The following RBM6 variants were observed in gnomAD, a reference collection of about 807,000 sequenced individuals.
RBM6 encodes RNA-binding protein 6.
In RBM6, 23 loss-of-function variants were observed where a neutral mutation model predicts 140.4. That is an observed-to-expected ratio of 0.16 (90% CI 0.12 to 0.23). The LOEUF (loss-of-function observed/expected upper bound fraction) is 0.23. Ranked by LOEUF, RBM6 falls within the 10% of genes least tolerant of loss-of-function variation. The pLI is 1.00. For missense variants in RBM6, 1,139 were observed against 1,386.7 expected, an observed-to-expected ratio of 0.82 and a Z score of 2.84; for synonymous variants, 439 against 475.6, an observed-to-expected ratio of 0.92 and a Z score of 1.00.
At chr3:50,049,099 C>T (rs2089349849) in intron 7 of RBM6, among the ~76,000 whole-genome samples, 1 of 151,260 alleles carries the variant, frequency 6.6e-6, no homozygotes, top group African/African-American at 2.4e-5. Context: ...ACCGCGCTGG[C>T]CTGTTTATTT....
intron 19 of RBM6, among the ~76,000 whole-genome samples, chr3:50,073,916 C>T (rs960604633): frequency 6.7e-6 from 1 of 150,082 alleles, no homozygotes; most frequent in Non-Finnish European, 1.5e-5. Flanking sequence ...ATGGCACGAT[C>T]TTGGCTCACT....
chr3:50,030,430 CAG>C (rs935471625), intron 6 of RBM6, among the ~76,000 whole-genome samples: 27 of 151,882 alleles, frequency 1.8e-4, no homozygotes, highest in African/African-American at 6.5e-4. Flanking sequence ...AATACACAAA[CAG>C]AGCTCCACAG....
chr3:50,009,873 T>C (rs1260214747), intron 6 of RBM6, among the ~76,000 whole-genome samples: 1 of 152,060 alleles, frequency 6.6e-6, no homozygotes, highest in South Asian at 2.1e-4. Flanking sequence ...AGAATAATTA[T>C]TATTTATTTT....
Position 49,968,654 on chromosome 3 carries a change from A to G in RBM6, c.1229A>G (p.Asp410Gly). ...AGAAGCATGGAGTACCGTGATGTGG[A>G]TCATAGGCTGCCAGGAAGCCAGATG... is the stretch of plus-strand genomic sequence containing the variant. ...DYRSMEYRDV[D>G]HRLPGSQMFG... is the part of the protein sequence containing the mutation. The change falls in exon 3 of 21, where the codon GAT (aspartate) becomes GGT (glycine). Residue 410 changes from aspartate to glycine, a missense_variant. This residue lies in a region of RBM6 where 566 missense variants were observed against 612.7 expected (regional missense o/e 0.92). Transcript: ENST00000266022. 2 of 1,612,226 alleles carry G rather than the reference A, an allele frequency of 1.2e-6. No individual in the cohort carries two copies. Among genetic ancestry groups the G allele is most frequent in the Non-Finnish European group, 1.7e-6 (2 of 1,179,202 alleles).
At chr3:50,029,782 G>A (rs2088043854) in intron 6 of RBM6, among the ~76,000 whole-genome samples, 1 of 152,058 alleles carries the variant, frequency 6.6e-6, no homozygotes, top group East Asian at 1.9e-4. Flanking sequence ...CCAACACTTG[G>A]GAGGCCGAGG....
intron 8 of RBM6, among the ~76,000 whole-genome samples, chr3:50,057,099 G>C (rs2089731325): frequency 6.6e-6 from 1 of 152,204 alleles, no homozygotes; most frequent in Non-Finnish European, 1.5e-5. Context: ...ATGATAGTCA[G>C]GTTCAAGGTG....
chr3:49,960,712 G>C (rs2084241837), intron 1 of RBM6, among the ~76,000 whole-genome samples: 1 of 152,166 alleles, frequency 6.6e-6, no homozygotes, highest in Non-Finnish European at 1.5e-5. Context: ...AGCAATGACT[G>C]TGGTGAGGGT....
At position 50,068,744 on chromosome 3, in the gene RBM6, C is replaced by T; in HGVS notation, c.2998C>T (p.Leu1000=). 6.2e-7 allele frequency: 1 copy of T among 1,614,152 alleles called. No homozygotes were observed. The highest frequency in any genetic ancestry group is 1.3e-5 in the African/African-American group (1 of 75,070). The stretch of plus-strand genomic sequence containing the variant: ...ACAGTCTGAGCAGGAGCTAGCCTAT[C>T]TGGAAAGGAGAGAACGAGAGGTAAA... ...IKQSEQELAY[L]ERREREGKFK... is the part of the protein sequence containing the mutation. The change falls in exon 18 of 21, where the codon CTG becomes TTG. Residue 1000 remains leucine (L), a synonymous_variant. Transcript: ENST00000266022.
intron 1 of RBM6, among the ~76,000 whole-genome samples, chr3:49,949,981 C>T (rs560182446): frequency 6.6e-6 from 1 of 152,222 alleles, no homozygotes; most frequent in South Asian, 2.1e-4. Context: ...CCTCCGCCTC[C>T]TAAAGTGCTG....
At chr3:49,945,876 C>T (rs1170982596) in intron 1 of RBM6, among the ~76,000 whole-genome samples, 3 of 95,626 alleles carry the variant, frequency 3.1e-5, no homozygotes, top group Admixed American at 1.5e-4. Flanking sequence ...AGCGAGACTC[C>T]ATCTCAAAAA....
chr3:49,992,790 G>C (rs1038328949), intron 5 of RBM6, among the ~76,000 whole-genome samples: 13 of 152,046 alleles, frequency 8.6e-5, no homozygotes, highest in African/African-American at 3.1e-4. Flanking sequence ...CTGTTTTTTT[G>C]GTGTCACCTC....
intron 19 of RBM6, among the ~76,000 whole-genome samples, chr3:50,071,694 C>T (rs2090302564): frequency 6.6e-6 from 1 of 152,132 alleles, no homozygotes; most frequent in South Asian, 2.1e-4. Flanking sequence ...ATCTGCCAGT[C>T]TTTGTGATCA....
intron 18 of RBM6, 67 bp downstream of exon 18, chr3:50,068,831 G>A (rs1360412141): frequency 7.1e-7 from 1 of 1,413,186 alleles, no homozygotes; most frequent in Non-Finnish European, 1.0e-6. Flanking sequence ...AGACTTCATA[G>A]GCTGTGCTGA....
chr3:49,950,584 G>A (rs536329737), intron 1 of RBM6, among the ~76,000 whole-genome samples: 11 of 152,058 alleles, frequency 7.2e-5, no homozygotes, highest in African/African-American at 2.4e-4. Flanking sequence ...GTGAAACCCC[G>A]TCTCTACTAA....
At chr3:50,000,775 CTCT>C (rs1410419318) in intron 6 of RBM6, among the ~76,000 whole-genome samples, 17 of 152,102 alleles carry the variant, frequency 1.1e-4, no homozygotes, top group Non-Finnish European at 2.2e-4. Context: ...TAGATGAGAA[CTCT>C]TCTTCTTCTG....
intron 4 of RBM6, among the ~76,000 whole-genome samples, 172 bp from the exon 5 acceptor site, chr3:49,975,151 A>G (rs2085006857): frequency 6.6e-6 from 1 of 152,130 alleles, no homozygotes; most frequent in African/African-American, 2.4e-5. Flanking sequence ...TTTTTGAATA[A>G]TTATGTTCTA....
At position 49,964,287 on chromosome 3, in the gene RBM6, A is replaced by G. The variant is rs139479251; in HGVS notation, c.44+1602A>G. Among the ~76,000 whole-genome samples the G allele has an allele frequency of 1.7e-4, 26 of 152,322 alleles. No homozygotes were observed. In the East Asian group the frequency reaches 4.2e-3, roughly 25 times the overall value. ...CATTGTTCTGAAGCTTGGAGTTCCA[A>G]TGAAAAATTTAGGTGGAGAACTGAG... On this transcript the variant is annotated intron_variant, in intron 2 of 20. Transcript: ENST00000266022.
At chr3:49,971,760 T>G (rs571112279) in intron 3 of RBM6, among the ~76,000 whole-genome samples, 1 of 152,220 alleles carries the variant, frequency 6.6e-6, no homozygotes, top group Non-Finnish European at 1.5e-5. Flanking sequence ...AGAAAATTAC[T>G]GTTTTGAGAC....
chr3:50,010,562 T>A (rs2086792174), intron 6 of RBM6, among the ~76,000 whole-genome samples: 1 of 152,148 alleles, frequency 6.6e-6, no homozygotes, highest in South Asian at 2.1e-4. Flanking sequence ...TTTTATGGTA[T>A]GTGAATTTTA....
Sources: allele counts gnomAD v4.1 joint callset (sites outside exome capture counted in the v4.1 genomes callset), GRCh38; gene constraint gnomAD v4.1.1; regional missense constraint gnomAD v4.1.1; transcripts MANE v1.5; gene names NCBI Gene and HGNC (gene_info 2026-07-23, HGNC 2026-07-21).